The following ERI3 variants were observed in gnomAD, a reference collection of about 807,000 sequenced individuals.
ERI3 encodes the protein ERI1 exoribonuclease 3.
Under a neutral mutation model 44.4 loss-of-function variants are expected in ERI3, and 18 were observed. That is an observed-to-expected ratio of 0.41 (90% confidence interval 0.28 to 0.60). The LOEUF (loss-of-function observed/expected upper bound fraction) is 0.60. ERI3 is among the 20% of genes least tolerant of loss of function. The probability of loss-of-function intolerance (pLI) is 0.36; values close to 1 mark genes in which losing one functional copy is unlikely to be tolerated. For missense variants in ERI3, 294 were observed against 435.5 expected, an observed-to-expected ratio of 0.68 and a Z score of 2.89; for synonymous variants, 183 against 164.8, an observed-to-expected ratio of 1.11 and a Z score of -0.84.
At position 44,332,281 on chromosome 1, in the gene ERI3, C is replaced by G. The variant is rs1646446532; in HGVS notation, c.489+6764G>C. Among the ~76,000 whole-genome samples, 8 of 152,280 alleles carry G rather than the reference C, an allele frequency of 5.3e-5. No homozygotes were observed. In the South Asian group the frequency reaches 1.5e-3, roughly 28 times the overall value. ...ATTCTTTAGAGCTCTTCCCCACCAC[C>G]AACCTTAGCCCAGTGCCCAAAAAAA... On this transcript the variant is annotated intron_variant, in intron 3 of 8. Coordinates refer to ENST00000372257, the MANE Select transcript of ERI3 (RefSeq NM_024066.3).
At chr1:44,312,392 T>C (rs1645990934) in intron 5 of ERI3, among the ~76,000 whole-genome samples, 1 of 151,992 alleles carries the variant, frequency 6.6e-6, no homozygotes, top group African/African-American at 2.4e-5. Flanking sequence ...AGGGGGACCT[T>C]CTCCCCCTGT....
chr1:44,326,918 A>G (rs145522296), intron 3 of ERI3, among the ~76,000 whole-genome samples: 115 of 152,366 alleles, frequency 7.5e-4, no homozygotes, highest in African/African-American at 2.7e-3. Flanking sequence ...AATTTTTCAA[A>G]AACATAATAC....
chr1:44,236,959 G>A (rs944164067), intron 8 of ERI3, among the ~76,000 whole-genome samples: 2 of 152,072 alleles, frequency 1.3e-5, no homozygotes, highest in Non-Finnish European at 2.9e-5. Flanking sequence ...CTCGTGCTAG[G>A]CCCACCTCCT....
chr1:44,255,740 G>A (rs1572124528), intron 7 of ERI3, among the ~76,000 whole-genome samples: 1 of 152,228 alleles, frequency 6.6e-6, no homozygotes, highest in Non-Finnish European at 1.5e-5. Context: ...TGCAGTGAAA[G>A]CTATTACCAT....
rs1646927431 is a variant in ERI3 at position 44,353,000 on chromosome 1, C to T, written c.136-75G>A. ...TCAAATCCCCATGAAGGATACTACA[C>T]CTCAAACTCTAAACTCAAACTTCGG... On this transcript the variant is annotated intron_variant, in intron 1 of 8. Transcript: ENST00000372257. The T allele has an allele frequency of 6.9e-6, 11 of 1,595,706 alleles. No homozygotes were observed. The South Asian group carries it at 9.0e-5, about 13-fold the overall frequency.
intron 2 of ERI3, among the ~76,000 whole-genome samples, chr1:44,341,785 T>C (rs957887015): frequency 1.3e-5 from 2 of 151,836 alleles, no homozygotes; most frequent in South Asian, 2.1e-4. Flanking sequence ...AGCTACTTGG[T>C]AGGCTGAAGT....
intron 6 of ERI3, among the ~76,000 whole-genome samples, chr1:44,306,999 C>CT (rs1252751979): frequency 6.6e-6 from 1 of 152,204 alleles, no homozygotes; most frequent in African/African-American, 2.4e-5. Flanking sequence ...AGTCTTCTTC[C>CT]TCTACTCCTT....
chr1:44,263,466 C>G (rs1049013663), intron 7 of ERI3, among the ~76,000 whole-genome samples: 1 of 152,220 alleles, frequency 6.6e-6, no homozygotes, highest in Non-Finnish European at 1.5e-5. Flanking sequence ...ATCTCTGGTC[C>G]TTCTTCCACT....
intron 3 of ERI3, among the ~76,000 whole-genome samples, chr1:44,336,026 CAT>C (rs1347541886): frequency 6.6e-6 from 1 of 152,208 alleles, no homozygotes; most frequent in African/African-American, 2.4e-5. Context: ...TTACTCCTCA[CAT>C]GATGAATTTA....
At chr1:44,309,567 G>A (rs532040246) in intron 5 of ERI3, among the ~76,000 whole-genome samples, 47 of 152,018 alleles carry the variant, frequency 3.1e-4, no homozygotes, top group African/African-American at 1.1e-3. Flanking sequence ...CATGGAGAGG[G>A]AGTCACACCA....
At chr1:44,332,484 T>C (rs1218417440) in intron 3 of ERI3, among the ~76,000 whole-genome samples, 2 of 152,180 alleles carry the variant, frequency 1.3e-5, no homozygotes, top group Admixed American at 6.5e-5. Context: ...CTACACACCA[T>C]GGCAGCTTAA....
intron 6 of ERI3, among the ~76,000 whole-genome samples, chr1:44,286,973 A>C (rs1253976548): frequency 1.3e-5 from 2 of 152,182 alleles, no homozygotes; most frequent in Non-Finnish European, 2.9e-5. Flanking sequence ...GACCTTTCTC[A>C]GGGTATTAGA....
chr1:44,303,704 G>C (rs992979322), intron 6 of ERI3, among the ~76,000 whole-genome samples: 13 of 152,106 alleles, frequency 8.5e-5, no homozygotes. Context: ...AATGAGAAGT[G>C]AGGCTAAAGA....
intron 3 of ERI3, among the ~76,000 whole-genome samples, chr1:44,321,352 G>C (rs186165020): frequency 1.3e-5 from 2 of 152,102 alleles, no homozygotes; most frequent in African/African-American, 4.8e-5. Context: ...TGGCTGCAAG[G>C]CTGAGGCAGA....
chr1:44,308,459 A>T (rs1306542667), intron 5 of ERI3, 58 bp from the exon 6 acceptor site: 1 of 1,313,580 alleles, frequency 7.6e-7, no homozygotes, highest in Non-Finnish European at 1.1e-6. Context: ...GCCTGTGAAG[A>T]GCCACAACAG....
chr1:44,246,296 T>TC (rs1644553953), intron 8 of ERI3, among the ~76,000 whole-genome samples: 1 of 152,068 alleles, frequency 6.6e-6, no homozygotes, highest in Non-Finnish European at 1.5e-5. Flanking sequence ...AAAATACCCT[T>TC]CCCCCATTTT....
intron 3 of ERI3, among the ~76,000 whole-genome samples, chr1:44,337,303 T>C (rs1646554270): frequency 6.6e-6 from 1 of 152,222 alleles, no homozygotes; most frequent in African/African-American, 2.4e-5. Context: ...ATGTGTTAGA[T>C]TTTAGTCTCA....
chr1:44,275,465 C>A (rs114522429), intron 7 of ERI3, among the ~76,000 whole-genome samples: 1 of 152,204 alleles, frequency 6.6e-6, no homozygotes, highest in Non-Finnish European at 1.5e-5. Context: ...TAATTTATTA[C>A]TGCACTGATT....
intron 2 of ERI3, among the ~76,000 whole-genome samples, chr1:44,348,727 A>G (rs185548212): frequency 3.3e-4 from 51 of 152,376 alleles, no homozygotes; most frequent in Admixed American, 3.3e-3. Context: ...CACGGCATGC[A>G]TCAGACTGCA....
Sources: gnomAD v4.1 joint callset for allele counts (sites outside exome capture counted in the v4.1 genomes callset) on GRCh38, gnomAD v4.1.1 for gene constraint, MANE v1.5 for transcripts, NCBI Gene and HGNC (gene_info 2026-07-23, HGNC 2026-07-21) for gene names.